MYO16: variants seen among roughly 807,000 people sequenced by gnomAD.
MYO16 encodes unconventional myosin-XVI.
In MYO16, 94 loss-of-function variants were observed where a neutral mutation model predicts 205.3. The observed-to-expected ratio is 0.46, with a 90% CI of 0.39 to 0.54. The LOEUF is 0.54. MYO16 is among the 20% of genes least tolerant of loss of function. MYO16 has a pLI of 0.00. For synonymous variants in MYO16, 988 were observed against 954.0 expected, an observed-to-expected ratio of 1.04 and a Z score of -0.66; for missense variants, 2,315 against 2,387.5, an observed-to-expected ratio of 0.97 and a Z score of 0.63.
chr13:108,866,149 T>A (rs1376760679), intron 11 of MYO16, 28 bp from the exon 12 acceptor site: 1 of 1,529,340 alleles, frequency 6.5e-7, no homozygotes, highest in East Asian at 2.3e-5. Context: ...ATATGACTCA[T>A]GAACTGTTTG....
chr13:108,733,600 T>C (rs1322361453), intron 4 of MYO16, among the ~76,000 whole-genome samples: 1 of 152,170 alleles, frequency 6.6e-6, no homozygotes, highest in East Asian at 1.9e-4. Flanking sequence ...AATATTATCA[T>C]ACATTTATTT....
At chr13:108,680,748 G>T (rs1882427559) in intron 2 of MYO16, among the ~76,000 whole-genome samples, 1 of 152,164 alleles carries the variant, frequency 6.6e-6, no homozygotes, top group South Asian at 2.1e-4. Flanking sequence ...TCTCACCATT[G>T]TGGACCCCCA....
intron 27 of MYO16, among the ~76,000 whole-genome samples, chr13:109,076,752 G>A (rs72656230): frequency 0.045 from 6,815 of 152,162 alleles, 232 homozygotes; most frequent in Middle Eastern, 0.068. Flanking sequence ...GCAGCATGAC[G>A]CCAGATGTAC....
In MYO16 at chr13:108,715,776, T is replaced by C. The variant is rs574631698; in HGVS notation, c.363+3045T>C. Among the ~76,000 whole-genome samples, 3 of 152,316 alleles carry C rather than the reference T, an allele frequency of 2.0e-5. No individual in the cohort carries two copies. The East Asian group carries it at 5.8e-4, about 29-fold the overall frequency. On this transcript the variant is annotated intron_variant, in intron 3 of 34. Coordinates refer to ENST00000457511, the MANE Select transcript of MYO16 (RefSeq NM_001198950.3). ...GCCACAATTATTTTGTTGTGGCTGC[T>C]TCTGGGCATCAGTTACAAAGGCTTT...
chr13:108,951,841 G>A (rs1013163575), intron 16 of MYO16, among the ~76,000 whole-genome samples: 1 of 152,166 alleles, frequency 6.6e-6, no homozygotes, highest in Non-Finnish European at 1.5e-5. Context: ...GGTGGCGCAT[G>A]CCTGTAATCC....
chr13:108,772,925 A>G (rs1886014929), intron 4 of MYO16, among the ~76,000 whole-genome samples: 1 of 152,174 alleles, frequency 6.6e-6, no homozygotes, highest in Non-Finnish European at 1.5e-5. Flanking sequence ...TTGGGCTGTT[A>G]TAACAAAACA....
At chr13:108,731,237 C>T (rs551671715) in intron 4 of MYO16, among the ~76,000 whole-genome samples, 3 of 152,302 alleles carry the variant, frequency 2.0e-5, no homozygotes, top group East Asian at 1.9e-4. Flanking sequence ...TTTGTTAAAA[C>T]GGTGCCTAGC....
At chr13:108,602,535 T>C (rs146020992) in intron 1 of MYO16, among the ~76,000 whole-genome samples, 7 of 152,074 alleles carry the variant, frequency 4.6e-5, no homozygotes, top group African/African-American at 1.7e-4. Context: ...ATAGAATATG[T>C]CACTAATAAA....
At chr13:108,637,702 C>G (rs527828322) in intron 1 of MYO16, among the ~76,000 whole-genome samples, 19 of 152,024 alleles carry the variant, frequency 1.2e-4, no homozygotes, top group African/African-American at 4.6e-4. Flanking sequence ...TGGCAAAACC[C>G]CATCTCTACC....
intron 16 of MYO16, among the ~76,000 whole-genome samples, chr13:108,954,478 C>T (rs1883271478): frequency 6.6e-6 from 1 of 152,186 alleles, no homozygotes; most frequent in African/African-American, 2.4e-5. Flanking sequence ...TGGTGGCTCA[C>T]ACCTGTAATT....
At chr13:109,100,253 T>C (rs55857302) in intron 27 of MYO16, among the ~76,000 whole-genome samples, 21,281 of 152,242 alleles carry the variant, frequency 0.14, 1,648 homozygotes, top group Middle Eastern at 0.18. Flanking sequence ...ACTGATACTT[T>C]ACAAAATAAA....
At chr13:108,918,972 C>T (rs1376592979) in intron 16 of MYO16, among the ~76,000 whole-genome samples, 4 of 76,946 alleles carry the variant, frequency 5.2e-5, no homozygotes, top group African/African-American at 1.6e-4. Context: ...AAAAAAAAAA[C>T]TTACACTCAA....
At chr13:108,521,157 A>G in the MYO16 span, among the ~76,000 whole-genome samples, 2 of 152,216 alleles carry the variant, frequency 1.3e-5, no homozygotes, top group Admixed American at 6.5e-5. Flanking sequence ...TCTACAGTCA[A>G]ACTGGGGAGG....
chr13:108,837,307 T>G (rs900441401), intron 9 of MYO16, among the ~76,000 whole-genome samples: 46 of 152,320 alleles, frequency 3.0e-4, no homozygotes, highest in African/African-American at 1.1e-3. Context: ...CCCAGCCATG[T>G]GGAACTGTGA....
chr13:108,903,917 G>A (rs1880836302), intron 15 of MYO16, among the ~76,000 whole-genome samples: 2 of 152,288 alleles, frequency 1.3e-5, no homozygotes, highest in South Asian at 4.1e-4. Context: ...ATTACAGATT[G>A]AGTTTATACT....
At chr13:108,693,405 T>A (rs1003372087) in intron 2 of MYO16, among the ~76,000 whole-genome samples, 3 of 152,210 alleles carry the variant, frequency 2.0e-5, no homozygotes, top group Non-Finnish European at 4.4e-5. Context: ...CCACTTCCTC[T>A]AGCTTTTGAC....
intron 16 of MYO16, among the ~76,000 whole-genome samples, chr13:108,944,071 T>C (rs1163812073): frequency 6.6e-6 from 1 of 152,216 alleles, no homozygotes; most frequent in Non-Finnish European, 1.5e-5. Context: ...GCACAGCACA[T>C]GAGGCTGAAC....
the MYO16 span, among the ~76,000 whole-genome samples, chr13:108,563,441 AT>A: frequency 6.6e-6 from 1 of 151,922 alleles, no homozygotes. Flanking sequence ...TTTCTAACTA[AT>A]TTTTTGTACC....
chr13:108,971,646 A>T (rs984995247), intron 20 of MYO16, among the ~76,000 whole-genome samples: 1 of 151,840 alleles, frequency 6.6e-6, no homozygotes, highest in Non-Finnish European at 1.5e-5. Context: ...TCATTTTTTC[A>T]CTAAGCCTTT....
Sources: allele counts gnomAD v4.1 joint callset (sites outside exome capture counted in the v4.1 genomes callset), GRCh38; gene constraint gnomAD v4.1.1; transcripts MANE v1.5; gene names NCBI Gene and HGNC (gene_info 2026-07-23, HGNC 2026-07-21).